Variants in CUL2 observed in about 807,000 individuals in gnomAD.
CUL2 encodes cullin 2, also known as cullin-2.
In CUL2, 22 loss-of-function variants were observed where a neutral mutation model predicts 110.2. The observed-to-expected ratio is 0.20, with a 90% confidence interval of 0.14 to 0.28. The LOEUF (loss-of-function observed/expected upper bound fraction) is 0.28. Ranked by LOEUF, CUL2 falls within the 10% of genes least tolerant of loss-of-function variation. The pLI, the probability that CUL2 is intolerant of heterozygous loss-of-function variation, is 1.00. For missense variants in CUL2, 631 were observed against 905.5 expected, an observed-to-expected ratio of 0.70 and a Z score of 3.89; for synonymous variants, 279 against 293.2, an observed-to-expected ratio of 0.95 and a Z score of 0.49.
chr10:35,060,787 A>G, intron 4 of CUL2, 87 bp downstream of exon 4: 1 of 1,025,196 alleles, frequency 9.8e-7, no homozygotes, highest in Non-Finnish European at 1.5e-6. Flanking sequence ...TATGTGAATG[A>G]GAAATAGGCA....
At chr10:35,076,398 T>G (rs981418714) in intron 1 of CUL2, among the ~76,000 whole-genome samples, 1 of 152,134 alleles carries the variant, frequency 6.6e-6, no homozygotes, top group East Asian at 1.9e-4. Flanking sequence ...GTAAACTGAA[T>G]GGTATGTGAC....
chr10:35,104,124 G>A (rs2087423669), intron 1 of CUL2, among the ~76,000 whole-genome samples: 1 of 152,200 alleles, frequency 6.6e-6, no homozygotes, highest in African/African-American at 2.4e-5. Flanking sequence ...GCACACACAC[G>A]ATTTCACACA....
chr10:35,010,329 T>A lies in CUL2; in HGVS notation c.2220A>T (p.Glu740Asp). The A allele has an allele frequency of 1.2e-6, 2 of 1,610,922 alleles. No homozygotes were observed. Among genetic ancestry groups the A allele is most frequent in the Non-Finnish European group, 1.7e-6 (2 of 1,178,570 alleles). The stretch of plus-strand genomic sequence containing the variant: ...AGCGACATCACGCGACGTAGCTGTA[T>A]TCATCTGCCGACGCCTGGCTGCGTT... ...YIERSQASAD[E>D]YSYVA Residue 740 changes from glutamate (E) to aspartate (D), a missense_variant, in exon 21 of 21, where the codon GAA becomes GAT. Coordinates refer to ENST00000374749, the MANE Select transcript of CUL2 (RefSeq NM_003591.4).
chr10:35,040,298 C>G (rs16935856), intron 8 of CUL2, among the ~76,000 whole-genome samples: 22,974 of 152,210 alleles, frequency 0.15, 1,958 homozygotes, highest in East Asian at 0.24. Flanking sequence ...TCAACAAGAA[C>G]TAGCCCATAA....
chr10:35,041,568 C>T (rs990197521), intron 8 of CUL2, among the ~76,000 whole-genome samples: 2 of 152,158 alleles, frequency 1.3e-5, no homozygotes, highest in Non-Finnish European at 2.9e-5. Context: ...GACAGGATCT[C>T]GCTCTCTGGC....
At chr10:35,045,559 A>C (rs1358142768) in intron 6 of CUL2, among the ~76,000 whole-genome samples, 1 of 151,380 alleles carries the variant, frequency 6.6e-6, no homozygotes, top group Non-Finnish European at 1.5e-5. Flanking sequence ...AAAAAAAAAA[A>C]AACAACTTAG....
chr10:35,028,077 A>C (rs2085379088), intron 16 of CUL2, among the ~76,000 whole-genome samples: 1 of 152,248 alleles, frequency 6.6e-6, no homozygotes, highest in Non-Finnish European at 1.5e-5. Context: ...ATGGTGGCTC[A>C]TGCCTGAAAT....
At chr10:35,110,366 C>G (rs1318945968) in intron 1 of CUL2, among the ~76,000 whole-genome samples, 1 of 151,614 alleles carries the variant, frequency 6.6e-6, no homozygotes, top group Non-Finnish European at 1.5e-5. Flanking sequence ...GAATTCGAGA[C>G]CAGCCTGGCC....
rs2085467005 is a variant in CUL2, at chr10:35,030,955, C to T, written c.1386+345G>A. Among the ~76,000 whole-genome samples, 3 of 152,110 alleles carry T rather than the reference C, an allele frequency of 2.0e-5. No individual in the cohort carries two copies. The South Asian group carries it at 6.2e-4, about 32-fold the overall frequency. The stretch of plus-strand genomic sequence containing the variant: ...TTGAATAACACAGGATAAATATGAA[C>T]CTGCTACCACTTATCGGTATGTAAG... On this transcript the variant is annotated intron_variant, in intron 14 of 20. Coordinates refer to ENST00000374749, the MANE Select transcript of CUL2 (RefSeq NM_003591.4).
At chr10:35,092,903 A>C (rs1457193089), upstream of CUL2, among the ~76,000 whole-genome samples, 1 of 152,040 alleles carries the variant, frequency 6.6e-6, no homozygotes, top group Non-Finnish European at 1.5e-5. Flanking sequence ...CTATTAATAT[A>C]CTCCCTTACT....
rs1384626532 is a variant in CUL2, at chr10:35,074,220, T to C, written c.-22-2881A>G. On this transcript the variant is annotated intron_variant, in intron 1 of 20. Coordinates refer to ENST00000374749, the MANE Select transcript of CUL2 (RefSeq NM_003591.4). ...AGCCAAAAAGTTGACCATGTTACTCTGTACATAAAGTACAAAGTTTGTTGT... is the reference window on the plus strand; with the variant it reads ...AGCCAAAAAGTTGACCATGTTACTCCGTACATAAAGTACAAAGTTTGTTGT... The C allele has an allele frequency of 3.3e-6, 5 of 1,535,422 alleles. No homozygotes were observed. In the Admixed American group the frequency reaches 9.8e-5, roughly 30 times the overall value.
chr10:35,014,105 T>G (rs529927454), intron 18 of CUL2, among the ~76,000 whole-genome samples: 1 of 152,342 alleles, frequency 6.6e-6, no homozygotes, highest in African/African-American at 2.4e-5. Context: ...GTCAAGCTCA[T>G]TGCCTAGAGT....
chr10:35,035,464 A>T (rs986852275), intron 9 of CUL2, among the ~76,000 whole-genome samples, 168 bp from the exon 10 acceptor site: 9 of 152,192 alleles, frequency 5.9e-5, no homozygotes, highest in African/African-American at 2.2e-4. Flanking sequence ...CCCACAGGAA[A>T]GGGATGTGGT....
intron 16 of CUL2, among the ~76,000 whole-genome samples, chr10:35,026,648 C>T (rs2085341621): frequency 6.6e-6 from 1 of 152,108 alleles, no homozygotes; most frequent in South Asian, 2.1e-4. Context: ...CATTTAAAAT[C>T]TGACTACAAA....
chr10:35,012,204 C>A (rs1478729339), intron 19 of CUL2, among the ~76,000 whole-genome samples: 1 of 151,922 alleles, frequency 6.6e-6, no homozygotes, highest in Non-Finnish European at 1.5e-5. Context: ...CAGGTATGCA[C>A]CACAATATTG....
upstream of CUL2, among the ~76,000 whole-genome samples, chr10:35,094,652 G>A (rs138571727): frequency 2.6e-5 from 4 of 152,282 alleles, no homozygotes; most frequent in Admixed American, 6.5e-5. Flanking sequence ...GTGATCGAGC[G>A]TGAAGGGTGC....
intron 2 of CUL2, among the ~76,000 whole-genome samples, chr10:35,067,976 G>A (rs576457605): frequency 6.6e-6 from 1 of 151,934 alleles, no homozygotes; most frequent in Non-Finnish European, 1.5e-5. Flanking sequence ...CGGGCATTGT[G>A]GTGGGCGCCT....
intron 1 of CUL2, among the ~76,000 whole-genome samples, chr10:35,085,646 A>G (rs1392997271): frequency 2.1e-5 from 3 of 141,716 alleles, no homozygotes; most frequent in Admixed American, 7.5e-5. Context: ...CGGGAGGCTG[A>G]GGCAGAATGG....
At chr10:35,030,658 T>C (rs557074483) in intron 14 of CUL2, among the ~76,000 whole-genome samples, 40 of 152,282 alleles carry the variant, frequency 2.6e-4, no homozygotes, top group African/African-American at 9.4e-4. Flanking sequence ...GCTACTATTA[T>C]AGGCATGAAC....
Sources: allele counts gnomAD v4.1 joint callset (sites outside exome capture counted in the v4.1 genomes callset), GRCh38; gene constraint gnomAD v4.1.1; transcripts MANE v1.5; gene names NCBI Gene and HGNC (gene_info 2026-07-23, HGNC 2026-07-21).